Variants in GNAQ observed in about 807,000 individuals in gnomAD.
GNAQ encodes guanine nucleotide-binding protein G(q) subunit alpha.
Under a neutral mutation model 43.9 loss-of-function variants are expected in GNAQ, and 8 were observed. The observed-to-expected ratio is 0.18, with a 90% CI of 0.11 to 0.33. The LOEUF (loss-of-function observed/expected upper bound fraction) is 0.33, where lower values mean the gene tolerates loss of function less well. Among genes scored for constraint, GNAQ ranks in the 10% least tolerant of loss-of-function variants. The pLI, the probability that GNAQ is intolerant of heterozygous loss-of-function variation, is 1.00. For missense variants in GNAQ, 158 were observed against 450.8 expected, an observed-to-expected ratio of 0.35 and a Z score of 5.88; for synonymous variants, 155 against 170.7, an observed-to-expected ratio of 0.91 and a Z score of 0.71.
intron 2 of GNAQ, among the ~76,000 whole-genome samples, chr9:77,854,877 G>A (rs1322221664): frequency 6.6e-6 from 1 of 152,160 alleles, no homozygotes; most frequent in Non-Finnish European, 1.5e-5. Flanking sequence ...GAAGTTCAGG[G>A]TTTCGTGTGG....
chr9:77,997,836 G>T (rs1309960795), intron 1 of GNAQ, among the ~76,000 whole-genome samples: 4 of 152,162 alleles, frequency 2.6e-5, no homozygotes, highest in African/African-American at 4.8e-5. Context: ...GGCATCTCAA[G>T]AGAGTTTTGC....
intron 1 of GNAQ, among the ~76,000 whole-genome samples, chr9:78,018,177 CAA>C (rs11423225): frequency 7.1e-6 from 1 of 140,888 alleles, no homozygotes; most frequent in Admixed American, 7.1e-5. Flanking sequence ...CCTAAATGTA[CAA>C]AAAAAAAAGA....
chr9:77,855,228 C>G (rs1342275200), intron 2 of GNAQ, among the ~76,000 whole-genome samples: 1 of 151,888 alleles, frequency 6.6e-6, no homozygotes, highest in Non-Finnish European at 1.5e-5. Context: ...TGGTGTAATG[C>G]AGCAGAATCA....
intron 1 of GNAQ, among the ~76,000 whole-genome samples, chr9:77,961,316 T>A (rs1234431289): frequency 6.6e-6 from 1 of 151,742 alleles, no homozygotes; most frequent in Non-Finnish European, 1.5e-5. Flanking sequence ...GCAAGGAGGA[T>A]CCCAAAAAGA....
intron 3 of GNAQ, among the ~76,000 whole-genome samples, chr9:77,811,252 T>C (rs774269413): frequency 1.1e-4 from 17 of 151,830 alleles, no homozygotes; most frequent in Non-Finnish European, 2.4e-4. Flanking sequence ...AATAAGAAAT[T>C]AGGTCCAGAA....
intron 3 of GNAQ, among the ~76,000 whole-genome samples, chr9:77,800,448 T>C (rs1826724246): frequency 6.6e-6 from 1 of 151,926 alleles, no homozygotes; most frequent in African/African-American, 2.4e-5. Flanking sequence ...TTGGAAATCA[T>C]CATTCTCAGT....
chr9:77,774,822 C>A (rs1415784676), intron 5 of GNAQ, among the ~76,000 whole-genome samples: 1 of 152,088 alleles, frequency 6.6e-6, no homozygotes, highest in Non-Finnish European at 1.5e-5. Flanking sequence ...TTAAGATAAT[C>A]ATTATTTCTT....
At position 77,728,056 on chromosome 9, in the gene GNAQ, G is replaced by A. The variant is rs145679255; in HGVS notation, c.889+458C>T. 4.3e-4 allele frequency among the ~76,000 whole-genome samples: 66 copies of A among 151,760 alleles called. No individual in the cohort carries two copies. In the East Asian group the frequency reaches 9.2e-3, roughly 21 times the overall value. ...TGTTGCCAGGCTGGAGTGCAGTGGC[G>A]CGATCTTGGCTCACTGCAACCTCCG... On this transcript the variant is annotated intron_variant, in intron 6 of 6. Coordinates refer to ENST00000286548, the MANE Select transcript of GNAQ (RefSeq NM_002072.5).
intron 1 of GNAQ, among the ~76,000 whole-genome samples, chr9:77,941,040 C>T (rs1190608406): frequency 6.6e-6 from 1 of 151,848 alleles, no homozygotes; most frequent in Non-Finnish European, 1.5e-5. Flanking sequence ...AAAGTAACAA[C>T]TAAAAAATAA....
chr9:77,882,193 T>C (rs1202479089), intron 2 of GNAQ, among the ~76,000 whole-genome samples: 1 of 152,078 alleles, frequency 6.6e-6, no homozygotes, highest in Non-Finnish European at 1.5e-5. Context: ...TTTATGGCCA[T>C]AGCTTTATAC....
At chr9:77,862,661 C>T (rs1827873878) in intron 2 of GNAQ, among the ~76,000 whole-genome samples, 1 of 152,196 alleles carries the variant, frequency 6.6e-6, no homozygotes, top group African/African-American at 2.4e-5. Flanking sequence ...AGGTCTCTGA[C>T]ATGCCCTGGA....
At chr9:77,995,918 A>G (rs11145646) in intron 1 of GNAQ, among the ~76,000 whole-genome samples, 46,681 of 152,192 alleles carry the variant, frequency 0.31, 7,409 homozygotes, top group South Asian at 0.45. Flanking sequence ...TAAATTCTCT[A>G]GAAGTAAAAA....
chr9:77,840,192 A>G (rs141242184), intron 2 of GNAQ, among the ~76,000 whole-genome samples: 304 of 152,342 alleles, frequency 2.0e-3, no homozygotes, highest in African/African-American at 7.0e-3. Flanking sequence ...CTCTAAAGAT[A>G]CAGTCTGGTG....
intron 5 of GNAQ, among the ~76,000 whole-genome samples, chr9:77,770,715 A>C (rs1193090335): frequency 6.6e-6 from 1 of 152,194 alleles, no homozygotes; most frequent in African/African-American, 2.4e-5. Flanking sequence ...AGAACTTGCT[A>C]TTCAGTGGGA....
At chr9:77,955,953 C>T (rs936598248) in intron 1 of GNAQ, among the ~76,000 whole-genome samples, 10 of 152,256 alleles carry the variant, frequency 6.6e-5, no homozygotes, top group African/African-American at 1.9e-4. Context: ...ATTCCTGCCA[C>T]GGCAATTTCT....
chr9:77,807,406 C>CTACCA (rs1826846112), intron 3 of GNAQ, among the ~76,000 whole-genome samples: 1 of 152,218 alleles, frequency 6.6e-6, no homozygotes, highest in Admixed American at 6.5e-5. Flanking sequence ...CTGCAACATA[C>CTACCA]TACCATACCA....
chr9:77,727,686 C>T (rs3780297), intron 6 of GNAQ, among the ~76,000 whole-genome samples: 10,620 of 152,168 alleles, frequency 0.07, 801 homozygotes, highest in East Asian at 0.27. Context: ...GCTAAACGTA[C>T]ACATATGTTA....
intron 2 of GNAQ, among the ~76,000 whole-genome samples, chr9:77,874,018 T>C (rs978412836): frequency 1.3e-5 from 2 of 149,486 alleles, no homozygotes; most frequent in African/African-American, 4.9e-5. Context: ...GGTAGGAGAA[T>C]CACTTGAACC....
chr9:77,933,199 C>T (rs1285089096), intron 1 of GNAQ, among the ~76,000 whole-genome samples: 2 of 152,212 alleles, frequency 1.3e-5, no homozygotes, highest in East Asian at 3.8e-4. Flanking sequence ...GGCAAGGACA[C>T]AGACATGACT....
Sources: allele counts gnomAD v4.1 joint callset (sites outside exome capture counted in the v4.1 genomes callset), GRCh38; gene constraint gnomAD v4.1.1; transcripts MANE v1.5; gene names NCBI Gene and HGNC (gene_info 2026-07-23, HGNC 2026-07-21).